ST8SIA5: variants seen among roughly 807,000 people sequenced by gnomAD.
ST8SIA5 encodes ST8 alpha-N-acetyl-neuraminide alpha-2,8-sialyltransferase 5.
In ST8SIA5, 24 loss-of-function variants were observed where a neutral mutation model predicts 40.2. That is an observed-to-expected ratio of 0.60 (90% CI 0.43 to 0.84). ST8SIA5 has a LOEUF of 0.84. Among genes scored for constraint, ST8SIA5 ranks in the 40% least tolerant of loss-of-function variants. The pLI is 0.00. For missense variants in ST8SIA5, 465 were observed against 498.5 expected (o/e 0.93, Z 0.64); for synonymous variants, 198 against 201.8 (o/e 0.98, Z 0.16).
At position 46,684,985 on chromosome 18, in the gene ST8SIA5, G is replaced by C. The variant is rs557455366; in HGVS notation, c.569+1189C>G. Among the ~76,000 whole-genome samples, 3 of 152,262 alleles carry C rather than the reference G, an allele frequency of 2.0e-5. No individual in the cohort carries two copies. The South Asian group carries it at 6.2e-4, about 32-fold the overall frequency. On this transcript the variant is annotated intron_variant, in intron 5 of 6. Transcript: ENST00000315087. The stretch of plus-strand genomic sequence containing the variant: ...GACAGCATTCCAGGCAGAGGGAACA[G>C]GACCTGGAAGCGCAGTTGCCGGCAC...
chr18:46,692,148 G>A, intron 3 of ST8SIA5, 21 bp downstream of exon 3: 1 of 1,612,810 alleles, frequency 6.2e-7, no homozygotes, highest in South Asian at 1.1e-5. Flanking sequence ...GGAGAAGGGA[G>A]GACAGACGAA....
At chr18:46,714,938 AC>A (rs1436174029) in intron 1 of ST8SIA5, among the ~76,000 whole-genome samples, 2 of 151,594 alleles carry the variant, frequency 1.3e-5, no homozygotes, top group South Asian at 2.1e-4. Context: ...TCCTGGAGCA[AC>A]CCTGACTTAA....
chr18:46,750,641 T>C (rs4624284), intron 1 of ST8SIA5, among the ~76,000 whole-genome samples: 108,665 of 151,964 alleles, frequency 0.72, 39,139 homozygotes, highest in East Asian at 0.77. Context: ...GCCCTCTTCC[T>C]GGCATGCCAC....
rs147382709 is a variant in ST8SIA5 at position 46,671,912 on chromosome 18, A to G, written c.*8130T>C. 2 of 152,354 alleles carry G rather than the reference A, an allele frequency of 1.3e-5. No individual in the cohort carries two copies. The highest frequency in any genetic ancestry group is 2.1e-4 in the South Asian group (1 of 4,828). The allele number at this position is 152,354 out of a possible 1,614,324, so 9.4% of individuals were successfully genotyped here. On this transcript the variant is annotated 3_prime_UTR_variant, in exon 7 of 7. Coordinates refer to ENST00000315087, the MANE Select transcript of ST8SIA5 (RefSeq NM_013305.6). The stretch of plus-strand genomic sequence containing the variant: ...CATTAAAGGATCATCTAGAGCCATG[A>G]GCCTCCAAGTGCAGTCCCTGGACCA...
intron 1 of ST8SIA5, among the ~76,000 whole-genome samples, chr18:46,724,192 C>T (rs1424634914): frequency 1.3e-5 from 2 of 152,246 alleles, no homozygotes; most frequent in Non-Finnish European, 1.5e-5. Context: ...CCACGCACCT[C>T]CCTCTTCAGA....
At chr18:46,696,191 C>T (rs2039555443) in intron 2 of ST8SIA5, among the ~76,000 whole-genome samples, 1 of 152,188 alleles carries the variant, frequency 6.6e-6, no homozygotes, top group South Asian at 2.1e-4. Context: ...TTCCTCCTCC[C>T]ACCCTGGCTG....
At chr18:46,722,366 A>T (rs939340326) in intron 1 of ST8SIA5, among the ~76,000 whole-genome samples, 2 of 152,170 alleles carry the variant, frequency 1.3e-5, no homozygotes, top group Non-Finnish European at 2.9e-5. Context: ...ACCGACTCAC[A>T]GGAGTTCTGC....
intron 1 of ST8SIA5, among the ~76,000 whole-genome samples, chr18:46,710,148 A>G (rs956852446): frequency 6.6e-6 from 1 of 152,180 alleles, no homozygotes; most frequent in African/African-American, 2.4e-5. Flanking sequence ...AATGCCACTC[A>G]GTTTCCAGCA....
rs1264566485 is a variant in ST8SIA5 at position 46,706,462 on chromosome 18, G to A, written c.132-1798C>T. ...CACTGTCTCTTAGAGCAAATAACAT[G>A]GTATTGGGTTGGTACAAAAGCAATT... On this transcript the variant is annotated intron_variant, in intron 1 of 6. Transcript: ENST00000315087. 2.0e-5 allele frequency among the ~76,000 whole-genome samples: 3 copies of A among 151,864 alleles called. No individual in the cohort carries two copies. In the East Asian group the frequency reaches 5.8e-4, roughly 29 times the overall value.
chr18:46,692,346 G>A (rs367852870), intron 2 of ST8SIA5, 91 bp from the exon 3 acceptor site: 9 of 1,143,166 alleles, frequency 7.9e-6, no homozygotes. Flanking sequence ...ATCTCCCATA[G>A]GCCAAGTCCA....
chr18:46,736,840 C>G (rs2040039336), intron 1 of ST8SIA5, among the ~76,000 whole-genome samples: 1 of 152,046 alleles, frequency 6.6e-6, no homozygotes, highest in Admixed American at 6.5e-5. Flanking sequence ...ACCCCCAGAA[C>G]CCCCACAGTG....
At chr18:46,705,186 G>A (rs961365761) in intron 1 of ST8SIA5, among the ~76,000 whole-genome samples, 9 of 152,196 alleles carry the variant, frequency 5.9e-5, no homozygotes, top group Admixed American at 5.2e-4. Context: ...TGACAATACT[G>A]AGGCTAATCA....
Position 46,678,482 on chromosome 18 carries a change from C to G in ST8SIA5, c.*1560G>C, listed in dbSNP as rs2039355080. On this transcript the variant is annotated 3_prime_UTR_variant, in exon 7 of 7. Transcript: ENST00000315087. ...GATCCCACTCCCTGATAGACTCTTACAGCTCCTAACCCTCCCAGAGCACCC... is the reference window on the plus strand; with the variant it reads ...GATCCCACTCCCTGATAGACTCTTAGAGCTCCTAACCCTCCCAGAGCACCC... 1 of 152,284 alleles carries G rather than the reference C, an allele frequency of 6.6e-6. No homozygotes were observed. The allele number at this position is 152,284 out of a possible 1,614,324, so 9.4% of individuals were successfully genotyped here. A position where few individuals can be genotyped will look rare whatever the true frequency, so the allele number is the denominator to read the frequency against.
rs549080926 is a variant in ST8SIA5, at chr18:46,743,997, T to C, written c.131+12381A>G. Among the ~76,000 whole-genome samples, 15 of 152,276 alleles carry C rather than the reference T, an allele frequency of 9.9e-5. No homozygotes were observed. In the East Asian group the frequency reaches 2.7e-3, roughly 27 times the overall value. ...TAACTGAAGGAGAAATAAAATCTTT[T>C]ACAGACAAGCAAATGCTGAGAGACT... is the stretch of plus-strand genomic sequence containing the variant. On this transcript the variant is annotated intron_variant, in intron 1 of 6. Coordinates refer to ENST00000315087, the MANE Select transcript of ST8SIA5 (RefSeq NM_013305.6).
At chr18:46,746,752 C>A (rs1429690820) in intron 1 of ST8SIA5, among the ~76,000 whole-genome samples, 1 of 138,850 alleles carries the variant, frequency 7.2e-6, no homozygotes, top group Admixed American at 7.4e-5. Context: ...AAAGAGCCCA[C>A]ATTGCCAAGA....
intron 5 of ST8SIA5, 127 bp downstream of exon 5, chr18:46,686,047 C>T (rs997889990): frequency 7.0e-6 from 6 of 857,778 alleles, no homozygotes; most frequent in East Asian, 5.2e-5. Context: ...ATATCCCAGA[C>T]CTGAGGGTCT....
chr18:46,738,423 C>T (rs2040056042), intron 1 of ST8SIA5, among the ~76,000 whole-genome samples: 1 of 152,114 alleles, frequency 6.6e-6, no homozygotes, highest in Non-Finnish European at 1.5e-5. Context: ...GGAAGGCCAG[C>T]AAGGCACCCA....
In ST8SIA5 at chr18:46,688,796, C is replaced by A. The variant is rs1041528407; in HGVS notation, c.435G>T (p.Glu145Asp). ...GCACCTTGGGAAACATGCGGAAGAT[C>A]TCCTGGTTGATGTGGTAGATGCCAC... ...DTSGIYHINQ[E>D]IFRMFPKDMP... is the part of the protein sequence containing the mutation. Residue 145 changes from glutamate to aspartate, a missense_variant, in exon 4 of 7, where the codon GAG becomes GAT. By Grantham distance (45) the Glu-to-Asp change is conservative. Coordinates refer to ENST00000315087, the MANE Select transcript of ST8SIA5 (RefSeq NM_013305.6). 3 of 1,613,340 alleles carry A rather than the reference C, an allele frequency of 1.9e-6. No individual in the cohort carries two copies. The African/African-American group carries it at 4.0e-5, about 22-fold the overall frequency.
At chr18:46,719,794 TTCTC>T (rs1369157108) in intron 1 of ST8SIA5, among the ~76,000 whole-genome samples, 2 of 143,736 alleles carry the variant, frequency 1.4e-5, no homozygotes, top group African/African-American at 2.6e-5. Flanking sequence ...TTTTCTTTCT[TTCTC>T]TCTCTCTTCT....
Sources: allele counts gnomAD v4.1 joint callset (sites outside exome capture counted in the v4.1 genomes callset), GRCh38; gene constraint gnomAD v4.1.1; transcripts MANE v1.5; gene names NCBI Gene and HGNC (gene_info 2026-07-23, HGNC 2026-07-21).